The following SEMA5A variants were observed in gnomAD, a reference collection of about 807,000 sequenced individuals.
SEMA5A encodes semaphorin 5A.
SEMA5A carries 55 observed loss-of-function variants against 135.5 expected under a neutral mutation model. The ratio of observed to expected loss-of-function variants is 0.41; its 90% confidence interval spans 0.33 to 0.51. The LOEUF is 0.51. SEMA5A is among the 20% of genes least tolerant of loss of function. The probability of loss-of-function intolerance (pLI) is 0.37; values close to 1 mark genes in which losing one functional copy is unlikely to be tolerated. For missense variants in SEMA5A, 1,290 were observed against 1,419.9 expected (o/e 0.91, Z 1.47); for synonymous variants, 580 against 546.5 (o/e 1.06, Z -0.85).
At chr5:9,288,818 T>C (rs79213598) in intron 5 of SEMA5A, among the ~76,000 whole-genome samples, 5,865 of 152,314 alleles carry the variant, frequency 0.039, 138 homozygotes, top group Middle Eastern at 0.068. Flanking sequence ...ATGTACAAGT[T>C]GTAAACTATA....
chr5:9,536,743 A>T (rs1235752711), intron 1 of SEMA5A, among the ~76,000 whole-genome samples: 1 of 152,160 alleles, frequency 6.6e-6, no homozygotes, highest in Non-Finnish European at 1.5e-5. Context: ...TCTGTAAAAC[A>T]CCATTTTTCT....
chr5:9,382,321 T>A (rs788465), intron 2 of SEMA5A, among the ~76,000 whole-genome samples: 1 of 151,116 alleles, frequency 6.6e-6, no homozygotes. Flanking sequence ...AATAAATAAA[T>A]GAATACATAA....
intron 1 of SEMA5A, among the ~76,000 whole-genome samples, chr5:9,443,203 T>C (rs760746250): frequency 3.9e-5 from 6 of 152,098 alleles, no homozygotes; most frequent in Non-Finnish European, 8.8e-5. Context: ...ACATTTAGGA[T>C]AATAATGTCC....
intron 3 of SEMA5A, among the ~76,000 whole-genome samples, chr5:9,378,352 TA>T (rs1019843690): frequency 1.3e-5 from 2 of 152,152 alleles, no homozygotes; most frequent in African/African-American, 4.8e-5. Context: ...AGCAAAATAA[TA>T]AAATGAGAAA....
rs1037643555 is a variant in SEMA5A, at chr5:9,366,982, C to T, written c.124+12841G>A. Among the ~76,000 whole-genome samples the T allele has an allele frequency of 9.2e-5, 14 of 152,274 alleles. No homozygotes were observed. In the East Asian group the frequency reaches 2.7e-3, roughly 29 times the overall value. On this transcript the variant is annotated intron_variant, in intron 3 of 22. Coordinates refer to ENST00000382496, the MANE Select transcript of SEMA5A (RefSeq NM_003966.3). The stretch of plus-strand genomic sequence containing the variant: ...CTTTCCTAGTCTGGTATTCTTTAAA[C>T]ATGAACCATGATGCTTTCCAAAAAA...
chr5:9,189,466 GA>G (rs35792049), intron 11 of SEMA5A, among the ~76,000 whole-genome samples: 79,816 of 150,806 alleles, frequency 0.53, 21,182 homozygotes, highest in East Asian at 0.7. Flanking sequence ...GTTCTTAGAA[GA>G]AAAAAAATGT....
At chr5:9,244,911 T>C (rs1313977376) in intron 5 of SEMA5A, among the ~76,000 whole-genome samples, 2 of 152,174 alleles carry the variant, frequency 1.3e-5, no homozygotes, top group African/African-American at 4.8e-5. Flanking sequence ...TATGAATGCA[T>C]CCGCTCTGGG....
At chr5:9,208,750 T>G in intron 8 of SEMA5A, among the ~76,000 whole-genome samples, 1 of 151,384 alleles carries the variant, frequency 6.6e-6, no homozygotes, top group East Asian at 1.9e-4. Flanking sequence ...TAACAAGGAG[T>G]ATGGATTTCA....
intron 16 of SEMA5A, among the ~76,000 whole-genome samples, chr5:9,086,264 G>A (rs1738681861): frequency 6.6e-6 from 1 of 152,112 alleles, no homozygotes; most frequent in Non-Finnish European, 1.5e-5. Flanking sequence ...ATGACATTTG[G>A]GAGGGACCAG....
intron 1 of SEMA5A, among the ~76,000 whole-genome samples, chr5:9,476,596 C>G (rs1339825597): frequency 6.6e-6 from 1 of 152,128 alleles, no homozygotes; most frequent in Non-Finnish European, 1.5e-5. Flanking sequence ...AGAGCTCAAA[C>G]CACCCTGGGC....
chr5:9,356,292 TAGA>T (rs1754443416), intron 3 of SEMA5A, among the ~76,000 whole-genome samples: 2 of 152,280 alleles, frequency 1.3e-5, no homozygotes, highest in Non-Finnish European at 1.5e-5. Context: ...TTCCGTATAT[TAGA>T]AGAAGAAAGG....
intron 1 of SEMA5A, among the ~76,000 whole-genome samples, chr5:9,478,186 C>T (rs1407216398): frequency 6.6e-5 from 10 of 152,238 alleles, no homozygotes. Flanking sequence ...TTGAGAACCT[C>T]CGCATGTATT....
chr5:9,447,467 A>G (rs3798027), intron 1 of SEMA5A, among the ~76,000 whole-genome samples: 13,513 of 152,250 alleles, frequency 0.089, 732 homozygotes, highest in East Asian at 0.15. Context: ...ATCAGTCCCA[A>G]TGACCTGTCA....
intron 15 of SEMA5A, among the ~76,000 whole-genome samples, chr5:9,112,783 G>A (rs539108784): frequency 5.3e-5 from 8 of 152,322 alleles, no homozygotes; most frequent in African/African-American, 1.9e-4. Flanking sequence ...AATGGGACCT[G>A]TCACTGGCTT....
intron 16 of SEMA5A, among the ~76,000 whole-genome samples, chr5:9,070,197 C>G (rs1038090133): frequency 2.0e-5 from 3 of 152,110 alleles, no homozygotes; most frequent in Admixed American, 6.5e-5. Context: ...ATGGTGAAAC[C>G]CTGTCTCTAC....
chr5:9,081,660 G>T (rs1038401641), intron 16 of SEMA5A, among the ~76,000 whole-genome samples: 7 of 152,198 alleles, frequency 4.6e-5, no homozygotes, highest in African/African-American at 7.2e-5. Flanking sequence ...CTAGGAAGGT[G>T]AGGCCAGTGG....
At chr5:9,401,494 T>G (rs410741) in intron 2 of SEMA5A, among the ~76,000 whole-genome samples, 102,819 of 151,942 alleles carry the variant, frequency 0.68, 34,952 homozygotes, top group Admixed American at 0.72. Flanking sequence ...GCAATTACAA[T>G]GACTCAGCAT....
intron 4 of SEMA5A, among the ~76,000 whole-genome samples, chr5:9,330,305 G>A (rs1206309929): frequency 1.3e-5 from 2 of 151,700 alleles, no homozygotes; most frequent in Non-Finnish European, 2.9e-5. Context: ...CAGAAGAATG[G>A]CGTGAACCCG....
At chr5:9,254,517 T>A (rs960406668) in intron 5 of SEMA5A, among the ~76,000 whole-genome samples, 8 of 152,160 alleles carry the variant, frequency 5.3e-5, no homozygotes, top group Non-Finnish European at 1.2e-4. Flanking sequence ...AAGAAATGTG[T>A]ATGGCTGAAT....
Sources: allele counts gnomAD v4.1 joint callset (sites outside exome capture counted in the v4.1 genomes callset), GRCh38; gene constraint gnomAD v4.1.1; transcripts MANE v1.5; gene names NCBI Gene and HGNC (gene_info 2026-07-23, HGNC 2026-07-21).